SINHCAF: variants seen among roughly 807,000 people sequenced by gnomAD.
SINHCAF encodes SIN3-HDAC complex-associated factor.
In SINHCAF, 3 loss-of-function variants were observed where a neutral mutation model predicts 25.8. The observed-to-expected ratio is 0.12, with a 90% CI of 0.05 to 0.30. The LOEUF (loss-of-function observed/expected upper bound fraction) is 0.30, where lower values mean the gene tolerates loss of function less well. SINHCAF is among the 10% of genes least tolerant of loss of function. The pLI is 1.00. For missense variants in SINHCAF, 121 were observed against 262.3 expected (o/e 0.46, Z 3.72); for synonymous variants, 70 against 85.5 (o/e 0.82, Z 1.00).
chr12:31,283,750 T>A (rs1218365330), intron 5 of SINHCAF, among the ~76,000 whole-genome samples: 1 of 151,768 alleles, frequency 6.6e-6, no homozygotes, highest in Non-Finnish European at 1.5e-5. Context: ...TCCTACCTCA[T>A]CTCATCCTCT....
At chr12:31,303,360 G>T in intron 1 of SINHCAF, 1 of 318,454 alleles carries the variant, frequency 3.1e-6, no homozygotes, top group Non-Finnish European at 4.5e-6. Context: ...AGGGAAAGAG[G>T]TGAGATGAGG....
At chr12:31,323,925 A>G (rs1349641481) in intron 1 of SINHCAF, 1 of 455,186 alleles carries the variant, frequency 2.2e-6, no homozygotes, top group Non-Finnish European at 4.4e-6. Context: ...CGCTCCTCCC[A>G]GGGCCCTCGG....
intron 2 of SINHCAF, 22 bp from the exon 3 acceptor site, chr12:31,295,355 C>T (rs1938506407): frequency 2.1e-6 from 3 of 1,462,282 alleles, no homozygotes; most frequent in Non-Finnish European, 2.9e-6. Context: ...ACAATCAAAC[C>T]TTTATCAGTC....
intron 1 of SINHCAF, chr12:31,304,916 C>T (rs1328445263): frequency 1.3e-5 from 2 of 152,182 alleles, no homozygotes; most frequent in East Asian, 3.8e-4. Context: ...TGAGTCAAAG[C>T]AGACAAGGCC....
Sources: allele counts gnomAD v4.1 joint callset (sites outside exome capture counted in the v4.1 genomes callset), GRCh38; gene constraint gnomAD v4.1.1; transcripts MANE v1.5; gene names NCBI Gene and HGNC (gene_info 2026-07-23, HGNC 2026-07-21).